The following EPHA6 variants were observed in gnomAD, a reference collection of about 807,000 sequenced individuals.
EPHA6 encodes ephrin type-A receptor 6.
In EPHA6, 50 loss-of-function variants were observed where a neutral mutation model predicts 112.0. The observed-to-expected ratio is 0.45, with a 90% CI of 0.36 to 0.56. The LOEUF (loss-of-function observed/expected upper bound fraction) is 0.56, where lower values mean the gene tolerates loss of function less well. Ranked by LOEUF, EPHA6 falls within the 20% of genes least tolerant of loss-of-function variation. The pLI is 0.00. For missense variants in EPHA6, 1,280 were observed against 1,417.4 expected (o/e 0.90, Z 1.56); for synonymous variants, 529 against 490.7 (o/e 1.08, Z -1.03).
At chr3:97,158,924 T>G (rs1453783212) in intron 3 of EPHA6, among the ~76,000 whole-genome samples, 1 of 152,060 alleles carries the variant, frequency 6.6e-6, no homozygotes, top group Non-Finnish European at 1.5e-5. Flanking sequence ...GTGTAGCTTT[T>G]TATGTTGTAG....
intron 3 of EPHA6, among the ~76,000 whole-genome samples, chr3:97,187,384 A>G (rs960614854): frequency 3.9e-5 from 6 of 151,980 alleles, no homozygotes; most frequent in Admixed American, 6.6e-5. Flanking sequence ...AACCTGGTCA[A>G]TAAGGTGAAA....
chr3:97,379,488 C>T (rs944358477), intron 5 of EPHA6, among the ~76,000 whole-genome samples: 4 of 151,602 alleles, frequency 2.6e-5, no homozygotes, highest in Admixed American at 6.6e-5. Flanking sequence ...TGGTGGCTCA[C>T]GACTGTAATC....
chr3:97,253,101 G>A (rs1370435464), intron 5 of EPHA6, among the ~76,000 whole-genome samples: 1 of 151,286 alleles, frequency 6.6e-6, no homozygotes, highest in Non-Finnish European at 1.5e-5. Context: ...TTGTCTACGT[G>A]AAAAAAAACA....
At chr3:97,546,255 G>C (rs572448959) in intron 11 of EPHA6, among the ~76,000 whole-genome samples, 1 of 152,284 alleles carries the variant, frequency 6.6e-6, no homozygotes, top group South Asian at 2.1e-4. Flanking sequence ...TTTAGGGCAG[G>C]CCTGGTGGTG....
At chr3:97,527,185 C>T (rs2092632998) in intron 10 of EPHA6, among the ~76,000 whole-genome samples, 1 of 152,100 alleles carries the variant, frequency 6.6e-6, no homozygotes, top group Non-Finnish European at 1.5e-5. Context: ...TTGGTGGATG[C>T]TTTTGGAAGC....
chr3:96,871,779 T>A (rs2036635420), intron 2 of EPHA6, among the ~76,000 whole-genome samples: 1 of 152,072 alleles, frequency 6.6e-6, no homozygotes, highest in African/African-American at 2.4e-5. Flanking sequence ...ATATCCAGGT[T>A]TGCTTGATAT....
At chr3:97,010,115 G>C (rs146568911) in intron 3 of EPHA6, 6 of 1,256,142 alleles carry the variant, frequency 4.8e-6, no homozygotes, top group South Asian at 4.0e-5. Flanking sequence ...AATATTAAAC[G>C]GTTACATTTA....
intron 6 of EPHA6, among the ~76,000 whole-genome samples, chr3:97,427,298 C>A (rs542893874): frequency 1.3e-5 from 2 of 152,150 alleles, no homozygotes; most frequent in East Asian, 1.9e-4. Context: ...TCTAAATGAC[C>A]ATTAATGGTA....
chr3:96,943,325 A>G (rs2041080505), intron 2 of EPHA6, among the ~76,000 whole-genome samples: 1 of 152,198 alleles, frequency 6.6e-6, no homozygotes, highest in Admixed American at 6.5e-5. Flanking sequence ...GAAGTAATGT[A>G]TATGCTAAAT....
chr3:97,424,264 C>A (rs562548471), intron 6 of EPHA6, among the ~76,000 whole-genome samples: 1 of 152,122 alleles, frequency 6.6e-6, no homozygotes, highest in African/African-American at 2.4e-5. Context: ...CACCTGGCCC[C>A]GTCTTTGACA....
rs1178616669 is a variant in EPHA6, at chr3:97,525,323, A to G, written c.2201-7035A>G. On this transcript the variant is annotated intron_variant, in intron 10 of 17. Transcript: ENST00000389672. ...TTCTGCCATTGTATCCTTCAGCACT[A>G]GGATTTCTGTTTGGTTCTTTTCCAC... Among the ~76,000 whole-genome samples, 5 of 152,228 alleles carry G rather than the reference A, an allele frequency of 3.3e-5. No individual in the cohort carries two copies. The East Asian group carries it at 9.7e-4, about 29-fold the overall frequency.
At chr3:96,898,035 AAATATTGATTTTAT>A (rs2038378290) in intron 2 of EPHA6, among the ~76,000 whole-genome samples, 1 of 152,194 alleles carries the variant, frequency 6.6e-6, no homozygotes, top group Non-Finnish European at 1.5e-5. Flanking sequence ...TGAAAAAAGA[AAATATTGATTTTAT>A]AATATTTGCT....
intron 11 of EPHA6, among the ~76,000 whole-genome samples, chr3:97,591,935 A>G (rs1210831710): frequency 6.6e-6 from 1 of 151,934 alleles, no homozygotes; most frequent in Non-Finnish European, 1.5e-5. Context: ...TCGTTCTGAC[A>G]CTCTTTTATT....
rs771057213 is a variant in EPHA6, at chr3:97,754,822, G to A, written c.*6121G>A. Among the ~76,000 whole-genome samples, 9 of 152,148 alleles carry A rather than the reference G, an allele frequency of 5.9e-5. No individual in the cohort carries two copies. The highest frequency in any genetic ancestry group is 2.0e-4 in the Admixed American group (3 of 15,270). On this transcript the variant is annotated 3_prime_UTR_variant, in exon 18 of 18. Transcript: ENST00000389672. ...GGGTTCACGCCATTCTCCTGCCTCA[G>A]TCTCCAGAGTAGCTGGAACTACAGG...
At chr3:96,954,565 G>A (rs1182879557) in intron 2 of EPHA6, among the ~76,000 whole-genome samples, 11 of 152,080 alleles carry the variant, frequency 7.2e-5, no homozygotes, top group Non-Finnish European at 1.5e-5. Flanking sequence ...TCACTACACA[G>A]GGAGAAGTGC....
At chr3:97,277,322 G>A (rs945394330) in intron 5 of EPHA6, among the ~76,000 whole-genome samples, 3 of 152,146 alleles carry the variant, frequency 2.0e-5, no homozygotes, top group Non-Finnish European at 4.4e-5. Context: ...CTGGCGGGAA[G>A]GGGTGGGGGT....
At chr3:97,715,873 CAA>C (rs1270390714) in intron 14 of EPHA6, among the ~76,000 whole-genome samples, 1 of 152,156 alleles carries the variant, frequency 6.6e-6, no homozygotes, top group African/African-American at 2.4e-5. Context: ...AACAAAAACA[CAA>C]AAGTTTTACT....
At chr3:96,994,771 A>ATACCT (rs1346355248) in intron 3 of EPHA6, among the ~76,000 whole-genome samples, 2 of 143,074 alleles carry the variant, frequency 1.4e-5, no homozygotes, top group African/African-American at 5.3e-5. Context: ...AGCTATATAT[A>ATACCT]TACCTACAGG....
At chr3:97,383,326 A>G (rs1203140675) in intron 5 of EPHA6, among the ~76,000 whole-genome samples, 1 of 152,098 alleles carries the variant, frequency 6.6e-6, no homozygotes, top group East Asian at 1.9e-4. Flanking sequence ...TATACTGAAC[A>G]TATCCGGAAA....
Sources: allele counts gnomAD v4.1 joint callset (sites outside exome capture counted in the v4.1 genomes callset), GRCh38; gene constraint gnomAD v4.1.1; transcripts MANE v1.5; gene names NCBI Gene and HGNC (gene_info 2026-07-23, HGNC 2026-07-21).